Variants in NRBP2 observed in about 807,000 individuals in gnomAD.
The protein encoded by NRBP2 is nuclear receptor-binding protein 2.
In NRBP2, 47 loss-of-function variants were observed where a neutral mutation model predicts 74.4. The observed-to-expected ratio is 0.63, with a 90% CI of 0.50 to 0.81. The LOEUF (loss-of-function observed/expected upper bound fraction) is 0.81, where lower values mean the gene tolerates loss of function less well. Ranked by LOEUF, NRBP2 falls within the 30% of genes least tolerant of loss-of-function variation. The probability of loss-of-function intolerance (pLI) is 0.00; values close to 1 mark genes in which losing one functional copy is unlikely to be tolerated. For synonymous variants in NRBP2, 312 were observed against 273.8 expected (o/e 1.14, Z -1.38); for missense variants, 613 against 690.1 (o/e 0.89, Z 1.25).
rs781951731 is a variant in NRBP2, at chr8:143,837,121, G to A, written c.1181C>T (p.Pro394Leu). ...NFAATRPLGL[P>L]RVLAPPPEEV... ...CTCCGGGGGTGGGGCCAGCACACGGGGCAGCCCCAGGGGTCGAGTGGCTGC... is the reference window on the plus strand; with the variant it reads ...CTCCGGGGGTGGGGCCAGCACACGGAGCAGCCCCAGGGGTCGAGTGGCTGC... The change falls in exon 14 of 18, where the codon CCC becomes CTC. Residue 394 changes from proline (P) to leucine (L), a missense_variant. Physicochemically the swap from Pro to Leu is moderately conservative, Grantham distance 98 (BLOSUM62 -3). Coordinates refer to ENST00000442628, the MANE Select transcript of NRBP2 (RefSeq NM_178564.4). The surrounding 1 kb of genome is among the most constrained non-coding windows in gnomAD (Gnocchi z 4.3). 5 of 1,612,704 alleles carry A rather than the reference G, an allele frequency of 3.1e-6. No homozygotes were observed. The highest frequency in any genetic ancestry group is 1.3e-5 in the African/African-American group (1 of 74,978).
At chr8:143,832,962 C>CA (rs1354485734), downstream of NRBP2, among the ~76,000 whole-genome samples, 1 of 152,200 alleles carries the variant, frequency 6.6e-6, no homozygotes, top group East Asian at 1.9e-4. Context: ...CCTACAAAGA[C>CA]AAACAGGTAA....
In NRBP2 at chr8:143,835,949, G is replaced by C; in HGVS notation, c.1381+18C>G. Reference sequence around the variant, plus strand: ...CCTGGGGTCACCGCCCGCCGCCCAAGTCCCCTGCCCAGCCTACTTGGGAGC... The same window carrying C: ...CCTGGGGTCACCGCCCGCCGCCCAACTCCCCTGCCCAGCCTACTTGGGAGC... On this transcript the variant is annotated intron_variant, in intron 16 of 17. Transcript: ENST00000442628. The surrounding 1 kb of genome is among the most constrained non-coding windows in gnomAD (Gnocchi z 4.9). 6.3e-7 allele frequency: 1 copy of C among 1,594,468 alleles called. No individual in the cohort carries two copies. The highest frequency in any genetic ancestry group is 8.5e-7 in the Non-Finnish European group (1 of 1,174,348).
rs782420227 is a variant in NRBP2 at position 143,835,740 on chromosome 8, G to A, written c.1438-10C>T. ...GCTTCATCCGGTCGTCCTGCGGAAG[G>A]AGGGAGGCATGGGGGACGGAGGGGC... is the stretch of plus-strand genomic sequence containing the variant. On this transcript the variant is annotated splice_polypyrimidine_tract_variant and intron_variant, in intron 17 of 17. Coordinates refer to ENST00000442628, the MANE Select transcript of NRBP2 (RefSeq NM_178564.4). The surrounding 1 kb of genome is among the most constrained non-coding windows in gnomAD (Gnocchi z 4.9). The A allele has an allele frequency of 1.3e-5, 21 of 1,597,710 alleles. No homozygotes were observed. The highest frequency in any genetic ancestry group is 1.1e-4 in the South Asian group (10 of 88,952).
intron 14 of NRBP2, 56 bp from the exon 15 acceptor site, chr8:143,836,236 G>T (rs892974214): frequency 5.5e-5 from 81 of 1,467,056 alleles, no homozygotes; most frequent in Non-Finnish European, 7.1e-5. Context: ...ACATGCCGCG[G>T]CCCCAAAGGG....
Position 143,835,713 on chromosome 8 carries a change from C to T in NRBP2, c.1455G>A (p.Leu485=). The T allele has an allele frequency of 6.2e-7, 1 of 1,600,236 alleles. No homozygotes were observed. The highest frequency in any genetic ancestry group is 8.5e-7 in the Non-Finnish European group (1 of 1,174,594). ...GGAAGGTGCTCTCCAGGAAGGCGGCCAGCTTCATCCGGTCGTCCTGCGGAA... is the reference window on the plus strand; with the variant it reads ...GGAAGGTGCTCTCCAGGAAGGCGGCTAGCTTCATCCGGTCGTCCTGCGGAA... ...GFLHEDDRMK[L]AAFLESTFLK... is the part of the protein sequence containing the mutation. Residue 485 remains leucine (L), a synonymous_variant, in exon 18 of 18, where the codon CTG becomes CTA. Transcript: ENST00000442628. The surrounding 1 kb of genome is among the most constrained non-coding windows in gnomAD (Gnocchi z 4.9).
Position 143,839,211 on chromosome 8 carries a change from A to G in NRBP2, c.581-16T>C, listed in dbSNP as rs1001941474. On this transcript the variant is annotated splice_polypyrimidine_tract_variant and intron_variant, in intron 6 of 17. Coordinates refer to ENST00000442628, the MANE Select transcript of NRBP2 (RefSeq NM_178564.4). The surrounding 1 kb of genome is among the most constrained non-coding windows in gnomAD (Gnocchi z 5.1). ...CGGTGCCACACTGCCAAGGGGCGGGAGAAAGAGTGGAGTTAGCTGCTGGGG... is the reference window on the plus strand; with the variant it reads ...CGGTGCCACACTGCCAAGGGGCGGGGGAAAGAGTGGAGTTAGCTGCTGGGG... 9 of 1,531,454 alleles carry G rather than the reference A, an allele frequency of 5.9e-6. No individual in the cohort carries two copies. The highest frequency in any genetic ancestry group is 1.4e-5 in the African/African-American group (1 of 72,974). The allele number at this position is 1,531,454 out of a possible 1,614,324, so 94.9% of individuals were successfully genotyped here. A position where few individuals can be genotyped will look rare whatever the true frequency, so the allele number is the denominator to read the frequency against.
Position 143,837,293 on chromosome 8 carries a change from C to T in NRBP2, c.1083G>A (p.Ser361=), listed in dbSNP as rs141817014. Residue 361 remains serine, a synonymous_variant, in exon 13 of 18, where the codon TCG becomes TCA. Transcript: ENST00000442628. The surrounding 1 kb of genome is among the most constrained non-coding windows in gnomAD (Gnocchi z 4.3). The part of the protein sequence containing the change: ...PRRPPLQWRY[S]EVSFMELDKF... ...TGTCCAGCTCCATGAAGGAGACTTC[C>T]GAGTACCTGGCATGGAAGTGGGAGG... is the stretch of plus-strand genomic sequence containing the variant. 1.6e-5 allele frequency: 25 copies of T among 1,609,320 alleles called. No homozygotes were observed. In the East Asian group the frequency reaches 2.0e-4, roughly 13 times the overall value.
chr8:143,840,261 G>T lies in NRBP2; in HGVS notation c.130-32C>A. 6.5e-7 allele frequency: 1 copy of T among 1,535,234 alleles called. No individual in the cohort carries two copies. Among genetic ancestry groups the T allele is most frequent in the East Asian group, 2.4e-5 (1 of 40,904 alleles). Reference sequence around the variant, plus strand: ...GTGAATAAAGGGTTATGTGTGCCCTGGTGTGTGTCAGGGTTGTGGGTGAGG... The same window carrying T: ...GTGAATAAAGGGTTATGTGTGCCCTTGTGTGTGTCAGGGTTGTGGGTGAGG... On this transcript the variant is annotated intron_variant, in intron 1 of 17. Coordinates refer to ENST00000442628, the MANE Select transcript of NRBP2 (RefSeq NM_178564.4). The surrounding 1 kb of genome is among the most constrained non-coding windows in gnomAD (Gnocchi z 5.7).
Position 143,840,091 on chromosome 8 carries a change from G to A in NRBP2, c.252+16C>T. On this transcript the variant is annotated intron_variant, in intron 2 of 17. Transcript: ENST00000442628. The surrounding 1 kb of genome is among the most constrained non-coding windows in gnomAD (Gnocchi z 5.7). ...GTGGTCACCCAAGCAGGATGAGGAG[G>A]GGGCAGCGGTCTCACCTCGTGCGCC... 6.5e-7 allele frequency: 1 copy of A among 1,536,140 alleles called. No individual in the cohort carries two copies. Among genetic ancestry groups the A allele is most frequent in the Non-Finnish European group, 8.7e-7 (1 of 1,146,902 alleles).
chr8:143,829,994 C>T (rs1554649655), downstream of NRBP2: 1 of 152,326 alleles, frequency 6.6e-6, no homozygotes, highest in African/African-American at 2.4e-5. Context: ...ATCTGCTGCA[C>T]CCAGTCCCGA....
At chr8:143,836,724 T>TGGGGGGGGGGGGGGGG (rs1818415561) in intron 14 of NRBP2, among the ~76,000 whole-genome samples, 1 of 71,868 alleles carries the variant, frequency 1.4e-5, no homozygotes, top group Non-Finnish European at 2.8e-5. Flanking sequence ...GGTGCGGGGG[T>TGGGGGGGGGGGGGGGG]GGGGGAAGAT....
At chr8:143,831,008 T>C (rs1255777596), downstream of NRBP2, among the ~76,000 whole-genome samples, 2 of 152,168 alleles carry the variant, frequency 1.3e-5, no homozygotes, top group Admixed American at 1.3e-4. Context: ...CTCTTAGGGC[T>C]AGCCTGGCAC....
downstream of NRBP2, among the ~76,000 whole-genome samples, chr8:143,831,076 C>T (rs1215963405): frequency 3.9e-5 from 6 of 152,194 alleles, no homozygotes; most frequent in African/African-American, 9.7e-5. Context: ...CTGCCACCAC[C>T]ACCAGGGGAA....
chr8:143,840,591 G>A lies in NRBP2; in HGVS notation c.129+115C>T, dbSNP rs989569737. The A allele has an allele frequency of 5.6e-6, 6 of 1,067,724 alleles. No homozygotes were observed. Among genetic ancestry groups the A allele is most frequent in the East Asian group, 3.0e-5 (1 of 33,222 alleles). 66.1% of individuals were successfully genotyped at this position (1,067,724 alleles called of 1,614,324 possible). The stretch of plus-strand genomic sequence containing the variant: ...GCTGATTCGCGGGCCGCGAGGGGCC[G>A]CGGAGAGGTTTCCAGCCGCCGCGCT... On this transcript the variant is annotated intron_variant, in intron 1 of 17. Transcript: ENST00000442628. The surrounding 1 kb of genome is among the most constrained non-coding windows in gnomAD (Gnocchi z 5.7).
At position 143,839,695 on chromosome 8, in the gene NRBP2, C is replaced by T; in HGVS notation, c.444+41G>A. On this transcript the variant is annotated intron_variant, in intron 4 of 17. Coordinates refer to ENST00000442628, the MANE Select transcript of NRBP2 (RefSeq NM_178564.4). This position sits in a 1 kb window ranked among gnomAD's most constrained non-coding sequence, Gnocchi z 5.1. ...TCCCAGTCCCCGAGGCTGCCCCAAC[C>T]CCGTCCTGTCCCCGTGGCTGCCCCA... The T allele has an allele frequency of 1.3e-6, 2 of 1,533,266 alleles. No individual in the cohort carries two copies. The highest frequency in any genetic ancestry group is 1.7e-6 in the Non-Finnish European group (2 of 1,145,952). 95.0% of individuals were successfully genotyped at this position (1,533,266 alleles called of 1,614,324 possible).
At position 143,837,974 on chromosome 8, in the gene NRBP2, T is replaced by C. The variant is rs1818503108; in HGVS notation, c.841-219A>G. 1.4e-6 allele frequency: 1 copy of C among 709,578 alleles called. No homozygotes were observed. The allele number at this position is 709,578 out of a possible 1,614,324, so 44.0% of individuals were successfully genotyped here. A position where few individuals can be genotyped will look rare whatever the true frequency, so the allele number is the denominator to read the frequency against. On this transcript the variant is annotated intron_variant, in intron 10 of 17. Transcript: ENST00000442628. The surrounding 1 kb of genome is among the most constrained non-coding windows in gnomAD (Gnocchi z 4.3). ...GGGTTCTGGGATTGGAGCACCATGC[T>C]CTGCTTCCCTCGACCCCCAAAAAAT...
downstream of NRBP2, among the ~76,000 whole-genome samples, chr8:143,832,318 G>T (rs540819430): frequency 6.6e-6 from 1 of 151,976 alleles, no homozygotes; most frequent in African/African-American, 2.4e-5. Context: ...GGAAAGCCAG[G>T]TATTGTCCAA....
chr8:143,830,359 G>A (rs1290403060), downstream of NRBP2, among the ~76,000 whole-genome samples: 1 of 152,228 alleles, frequency 6.6e-6, no homozygotes, highest in East Asian at 1.9e-4. Context: ...CCAGACCTCT[G>A]TCCCTACCCA....
intron 14 of NRBP2, among the ~76,000 whole-genome samples, chr8:143,836,687 GATGGGAGGGGT>G (rs1818409095): frequency 7.0e-6 from 1 of 142,994 alleles, no homozygotes; most frequent in Non-Finnish European, 1.5e-5. Flanking sequence ...CCAGGTGGGG[GATGGGAGGGGT>G]GGGGGGGGTG....
Sources: allele counts gnomAD v4.1 joint callset (sites outside exome capture counted in the v4.1 genomes callset), GRCh38; gene constraint gnomAD v4.1.1; non-coding constraint Gnocchi (gnomAD v3.1); transcripts MANE v1.5; gene names NCBI Gene and HGNC (gene_info 2026-07-23, HGNC 2026-07-21).